Variants in MAP2K6 observed in about 807,000 individuals in gnomAD.
MAP2K6 encodes the protein mitogen-activated protein kinase kinase 6.
Under a neutral mutation model 53.7 loss-of-function variants are expected in MAP2K6, and 16 were observed. That is an observed-to-expected ratio of 0.30 (90% CI 0.20 to 0.45). The LOEUF (loss-of-function observed/expected upper bound fraction) is 0.45. MAP2K6 is among the 20% of genes least tolerant of loss of function. MAP2K6 has a pLI of 1.00. For synonymous variants in MAP2K6, 132 were observed against 143.1 expected (o/e 0.92, Z 0.55); for missense variants, 204 against 411.9 (o/e 0.50, Z 4.37).
chr17:69,492,324 CGTATATG>C (rs1908781697), intron 1 of MAP2K6, among the ~76,000 whole-genome samples: 1 of 152,044 alleles, frequency 6.6e-6, no homozygotes. Context: ...AGTTGGTTTT[CGTATATG>C]GTATAAGGAA....
At chr17:69,429,957 CA>C (rs1270539193) in intron 1 of MAP2K6, among the ~76,000 whole-genome samples, 3 of 152,086 alleles carry the variant, frequency 2.0e-5, no homozygotes, top group Non-Finnish European at 4.4e-5. Context: ...ATCCGAATAA[CA>C]AAAGAACAGG....
intron 2 of MAP2K6, among the ~76,000 whole-genome samples, chr17:69,508,912 A>T (rs1054980621): frequency 1.3e-5 from 2 of 152,158 alleles, no homozygotes; most frequent in Non-Finnish European, 1.5e-5. Context: ...GTCAATACCA[A>T]TTGGGCATAT....
chr17:69,444,503 C>T lies in MAP2K6; in HGVS notation c.16+29503C>T, dbSNP rs868328779. 5.3e-5 allele frequency among the ~76,000 whole-genome samples: 8 copies of T among 152,278 alleles called. No homozygotes were observed. In the South Asian group the frequency reaches 8.3e-4, roughly 16 times the overall value. On this transcript the variant is annotated intron_variant, in intron 1 of 11. Transcript: ENST00000590474. The stretch of plus-strand genomic sequence containing the variant: ...GCTGGAGTGAAGCCCCGAAACATAT[C>T]GAAGGAAGGGGTCTGGTGCAATATA...
At chr17:69,533,339 T>C (rs1324120738) in intron 10 of MAP2K6, among the ~76,000 whole-genome samples, 3 of 152,240 alleles carry the variant, frequency 2.0e-5, no homozygotes, top group Non-Finnish European at 4.4e-5. Context: ...ATACAGTATT[T>C]TTAAAAATGG....
chr17:69,486,550 G>A (rs1414072695), intron 1 of MAP2K6, among the ~76,000 whole-genome samples: 1 of 152,162 alleles, frequency 6.6e-6, no homozygotes, highest in Non-Finnish European at 1.5e-5. Flanking sequence ...TTGGGATAAG[G>A]TGAGCAGGGA....
At chr17:69,536,399 A>C (rs1235471480) in intron 11 of MAP2K6, among the ~76,000 whole-genome samples, 2 of 152,222 alleles carry the variant, frequency 1.3e-5, no homozygotes, top group Admixed American at 1.3e-4. Flanking sequence ...ACCTGTCATG[A>C]TACAGAGCAA....
intron 1 of MAP2K6, among the ~76,000 whole-genome samples, chr17:69,436,168 T>A (rs1906634539): frequency 6.6e-6 from 1 of 152,172 alleles, no homozygotes; most frequent in Non-Finnish European, 1.5e-5. Flanking sequence ...ACAGATCTCA[T>A]CTAAATTCCA....
At chr17:69,472,735 A>G (rs1248917812) in intron 1 of MAP2K6, among the ~76,000 whole-genome samples, 2 of 152,086 alleles carry the variant, frequency 1.3e-5, no homozygotes, top group African/African-American at 2.4e-5. Context: ...GTCTCACTCT[A>G]TTGCTCGGGC....
intron 1 of MAP2K6, among the ~76,000 whole-genome samples, chr17:69,435,831 C>T (rs1052011236): frequency 1.3e-5 from 2 of 151,922 alleles, no homozygotes; most frequent in African/African-American, 2.4e-5. Flanking sequence ...CCATGCCTGG[C>T]TAATTTTTAT....
Position 69,494,940 on chromosome 17 carries a change from G to A in MAP2K6, c.17-10840G>A, listed in dbSNP as rs980890140. Among the ~76,000 whole-genome samples the A allele has an allele frequency of 2.6e-5, 4 of 151,892 alleles. No individual in the cohort carries two copies. Among genetic ancestry groups the A allele is most frequent in the Admixed American group, 6.6e-5 (1 of 15,258 alleles). ...GCATCGCTTGAACCTGGGAGGTGGA[G>A]GTTGCCGTGAGCCGAGATCGCGACA... On this transcript the variant is annotated intron_variant, in intron 1 of 11. Transcript: ENST00000590474. The surrounding 1 kb of genome is among the most constrained non-coding windows in gnomAD (Gnocchi z 4.2).
intron 11 of MAP2K6, among the ~76,000 whole-genome samples, chr17:69,538,947 G>A (rs1025740240): frequency 3.3e-5 from 5 of 152,088 alleles, no homozygotes; most frequent in African/African-American, 1.2e-4. Context: ...AAAAAATGGG[G>A]TGTGTGTGGC....
At chr17:69,502,438 T>TG (rs1909216723) in intron 1 of MAP2K6, 1 of 985,352 alleles carries the variant, frequency 1.0e-6, no homozygotes, top group Admixed American at 6.1e-5. Context: ...TGCAGAGTGT[T>TG]GCTGTGTGTG....
At chr17:69,484,624 C>A (rs907479862) in intron 1 of MAP2K6, among the ~76,000 whole-genome samples, 4 of 152,008 alleles carry the variant, frequency 2.6e-5, no homozygotes, top group African/African-American at 9.7e-5. Context: ...AAAACTTGTA[C>A]ATGAATGTAC....
rs1910929583 is a variant in MAP2K6 at position 69,528,887 on chromosome 17, A to AAG, written c.881+2180_881+2181dup. Reference sequence around the variant, plus strand: ...AAAAAAAAAAAAAAAAAAAAAAAAAAAGATGAGGCATCTTGGGTAGTACAG... The same window carrying AAG: ...AAAAAAAAAAAAAAAAAAAAAAAAAAAGAGATGAGGCATCTTGGGTAGTACAG... On this transcript the variant is annotated intron_variant, in intron 10 of 11. Transcript: ENST00000590474. 3.0e-5 allele frequency among the ~76,000 whole-genome samples: 4 copies of AAG among 132,800 alleles called. 1 individual carries two copies. Among genetic ancestry groups the AAG allele is most frequent in the Admixed American group, 1.6e-4 (2 of 12,582 alleles). 87.1% of individuals were successfully genotyped at this position (132,800 alleles called of 152,430 possible). A position where few individuals can be genotyped will look rare whatever the true frequency, so the allele number is the denominator to read the frequency against.
In MAP2K6 at chr17:69,551,319, G is replaced by A. The variant is rs2144895191; in HGVS notation, c.*9566G>A. Reference sequence around the variant, plus strand: ...GCCTTTTGCAAAGGTGTTGTAGGTGGAGAAGGGTAATGGAAACCTGGTACA... The same window carrying A: ...GCCTTTTGCAAAGGTGTTGTAGGTGAAGAAGGGTAATGGAAACCTGGTACA... On this transcript the variant is annotated 3_prime_UTR_variant, in exon 12 of 12. Coordinates refer to ENST00000590474, the MANE Select transcript of MAP2K6 (RefSeq NM_002758.4). 1 of 152,392 alleles carries A rather than the reference G, an allele frequency of 6.6e-6. No individual in the cohort carries two copies. The highest frequency in any genetic ancestry group is 1.9e-4 in the East Asian group (1 of 5,184). The allele number at this position is 152,392 out of a possible 1,614,324, so 9.4% of individuals were successfully genotyped here.
At chr17:69,518,115 G>A (rs941800495) in intron 4 of MAP2K6, among the ~76,000 whole-genome samples, 3 of 152,102 alleles carry the variant, frequency 2.0e-5, no homozygotes, top group African/African-American at 4.8e-5. Context: ...ACTTGAACCC[G>A]GGAGGTGGAG....
chr17:69,449,038 A>T (rs1260923480), intron 1 of MAP2K6, among the ~76,000 whole-genome samples: 1 of 152,198 alleles, frequency 6.6e-6, no homozygotes, highest in African/African-American at 2.4e-5. Flanking sequence ...TCTTTCGATG[A>T]CAGTGGAGAA....
At chr17:69,484,329 A>G (rs894586678) in intron 1 of MAP2K6, among the ~76,000 whole-genome samples, 1 of 152,106 alleles carries the variant, frequency 6.6e-6, no homozygotes. Context: ...ACGTAAAATT[A>G]TGTTCAGCAT....
At chr17:69,527,512 A>G (rs370171928) in intron 10 of MAP2K6, among the ~76,000 whole-genome samples, 3 of 152,258 alleles carry the variant, frequency 2.0e-5, no homozygotes, top group East Asian at 1.9e-4. Context: ...AGTAATTTCT[A>G]TCTGCATAGA....
Sources: gnomAD v4.1 joint callset for allele counts (sites outside exome capture counted in the v4.1 genomes callset) on GRCh38, gnomAD v4.1.1 for gene constraint, Gnocchi (gnomAD v3.1) non-coding constraint, MANE v1.5 for transcripts, NCBI Gene and HGNC (gene_info 2026-07-23, HGNC 2026-07-21) for gene names.